PCSK5: variants seen among roughly 807,000 people sequenced by gnomAD.
PCSK5 encodes prohormone convertase 5.
Under a neutral mutation model 233.2 loss-of-function variants are expected in PCSK5, and 129 were observed. That is an observed-to-expected ratio of 0.55 (90% CI 0.48 to 0.64). PCSK5 has a LOEUF of 0.64. Ranked by LOEUF, PCSK5 falls within the 30% of genes least tolerant of loss-of-function variation. The pLI is 0.00. For missense variants in PCSK5, 2,076 were observed against 2,430.1 expected, an observed-to-expected ratio of 0.85 and a Z score of 3.06; for synonymous variants, 825 against 879.2, an observed-to-expected ratio of 0.94 and a Z score of 1.09.
chr9:76,010,256 G>C (rs1827674505), intron 3 of PCSK5, among the ~76,000 whole-genome samples: 1 of 152,196 alleles, frequency 6.6e-6, no homozygotes, highest in Non-Finnish European at 1.5e-5. Context: ...CCAACTTTCA[G>C]ATTAACTGGA....
At position 76,259,653 on chromosome 9, in the gene PCSK5, C is replaced by T. The variant is rs1827102243; in HGVS notation, c.3142+18969C>T. On this transcript the variant is annotated intron_variant, in intron 24 of 37. Coordinates refer to ENST00000674117, the MANE Select transcript of PCSK5 (RefSeq NM_001372043.1). ...TCGATTCTATTTACTGTTGTTTCAT[C>T]AGCTCCTTGAATCATGCTTACCACA... Among the ~76,000 whole-genome samples, 3 of 152,296 alleles carry T rather than the reference C, an allele frequency of 2.0e-5. No individual in the cohort carries two copies. The East Asian group carries it at 5.8e-4, about 29-fold the overall frequency.
At chr9:75,914,238 T>A (rs62555863) in intron 1 of PCSK5, among the ~76,000 whole-genome samples, 8,268 of 152,218 alleles carry the variant, frequency 0.054, 332 homozygotes, top group African/African-American at 0.1. Flanking sequence ...CTCTGAGATG[T>A]GAGAGTATGA....
At chr9:76,194,562 T>G (rs17179121) in intron 20 of PCSK5, 78,587 of 279,798 alleles carry the variant, frequency 0.28, 13,199 homozygotes, top group East Asian at 0.62. Context: ...CATACTATTA[T>G]ATGCTGGTCC....
chr9:75,975,255 C>G (rs752971660), intron 2 of PCSK5, among the ~76,000 whole-genome samples: 3 of 152,130 alleles, frequency 2.0e-5, no homozygotes, highest in Non-Finnish European at 4.4e-5. Context: ...ATAGCCATTG[C>G]CATTTATATT....
chr9:75,906,248 CAG>C (rs1018776273), intron 1 of PCSK5, among the ~76,000 whole-genome samples: 3 of 151,838 alleles, frequency 2.0e-5, no homozygotes, highest in Non-Finnish European at 2.9e-5. Flanking sequence ...TTTTTTGAGA[CAG>C]AGTCTCCCAC....
intron 36 of PCSK5, among the ~76,000 whole-genome samples, chr9:76,351,530 AAGG>A (rs1204836063): frequency 1.7e-5 from 2 of 115,708 alleles, no homozygotes; most frequent in African/African-American, 3.2e-5. Flanking sequence ...GAAAGAAAGA[AAGG>A]AAGGAAAGAA....
At chr9:76,213,105 C>A (rs1323888644) in intron 20 of PCSK5, among the ~76,000 whole-genome samples, 4 of 152,330 alleles carry the variant, frequency 2.6e-5, no homozygotes, top group African/African-American at 9.6e-5. Context: ...CTAAGCCCCA[C>A]GGGGTTTCAC....
chr9:76,163,537 A>G (rs1822960294), intron 12 of PCSK5, among the ~76,000 whole-genome samples: 1 of 152,222 alleles, frequency 6.6e-6, no homozygotes. Flanking sequence ...GAGAAGTCCT[A>G]GAATGGACTT....
intron 2 of PCSK5, among the ~76,000 whole-genome samples, chr9:75,942,281 A>C (rs545779313): frequency 6.6e-6 from 1 of 152,368 alleles, no homozygotes; most frequent in African/African-American, 2.4e-5. Flanking sequence ...CTAGTTCAAA[A>C]GTTTAAAAAT....
At chr9:76,121,026 T>C (rs1029240110) in intron 9 of PCSK5, among the ~76,000 whole-genome samples, 1 of 152,186 alleles carries the variant, frequency 6.6e-6, no homozygotes, top group African/African-American at 2.4e-5. Context: ...TTATTTCTAT[T>C]ACATTAACCC....
chr9:76,069,277 G>A (rs924078412), intron 6 of PCSK5, among the ~76,000 whole-genome samples: 6 of 151,958 alleles, frequency 3.9e-5, no homozygotes, highest in South Asian at 4.2e-4. Context: ...TATCAGAGGC[G>A]GCCAGGTCAG....
At chr9:76,042,178 G>GA (rs1185124909) in intron 5 of PCSK5, among the ~76,000 whole-genome samples, 1 of 152,098 alleles carries the variant, frequency 6.6e-6, no homozygotes, top group African/African-American at 2.4e-5. Flanking sequence ...TAAAGGGAAA[G>GA]AAAAAACACC....
chr9:76,180,602 C>T (rs1183755007), intron 15 of PCSK5, among the ~76,000 whole-genome samples: 3 of 152,072 alleles, frequency 2.0e-5, no homozygotes, highest in Non-Finnish European at 4.4e-5. Context: ...CCCCTTGTCT[C>T]CCACAGCCCC....
At position 76,087,070 on chromosome 9, in the gene PCSK5, GAAAA is replaced by G. The variant is rs1403187236; in HGVS notation, c.895-8819_895-8816del. On this transcript the variant is annotated intron_variant, in intron 7 of 37. Coordinates refer to ENST00000674117, the MANE Select transcript of PCSK5 (RefSeq NM_001372043.1). ...GATTTTCTTCTTCCAGTTATACTGT[GAAAA>G]TAAACAAAGTAAAAGAAATCTACAC... Among the ~76,000 whole-genome samples the G allele has an allele frequency of 7.3e-5, 11 of 151,304 alleles. No homozygotes were observed. In the East Asian group the frequency reaches 1.9e-3, roughly 27 times the overall value.
chr9:76,169,576 G>C (rs1446129712), intron 12 of PCSK5, 128 bp from the exon 13 acceptor site: 3 of 642,276 alleles, frequency 4.7e-6, no homozygotes, highest in Non-Finnish European at 8.1e-6. Flanking sequence ...TGACATCCAG[G>C]ATGCAGACCA....
At chr9:76,093,236 A>C (rs1212906349) in intron 7 of PCSK5, among the ~76,000 whole-genome samples, 1 of 151,718 alleles carries the variant, frequency 6.6e-6, no homozygotes, top group East Asian at 1.9e-4. Flanking sequence ...CTGAGACTAG[A>C]AGCATGCACC....
chr9:76,162,047 G>A (rs1339447174), intron 12 of PCSK5, among the ~76,000 whole-genome samples: 6 of 152,170 alleles, frequency 3.9e-5, no homozygotes. Context: ...GAGGTAGAGA[G>A]CCTGGAGATT....
intron 20 of PCSK5, among the ~76,000 whole-genome samples, chr9:76,196,190 G>A (rs538146240): frequency 6.6e-6 from 1 of 152,324 alleles, no homozygotes; most frequent in South Asian, 2.1e-4. Context: ...TTGTACAGAC[G>A]CTGGACCCCA....
At chr9:76,246,898 TG>T (rs1322317250) in intron 24 of PCSK5, among the ~76,000 whole-genome samples, 1 of 152,232 alleles carries the variant, frequency 6.6e-6, no homozygotes, top group Non-Finnish European at 1.5e-5. Flanking sequence ...ACTTCCAAAA[TG>T]GCGGCAGGCC....
Sources: gnomAD v4.1 joint callset for allele counts (sites outside exome capture counted in the v4.1 genomes callset) on GRCh38, gnomAD v4.1.1 for gene constraint, MANE v1.5 for transcripts, NCBI Gene and HGNC (gene_info 2026-07-23, HGNC 2026-07-21) for gene names.